TRIM49: variants seen among roughly 807,000 people sequenced by gnomAD.
TRIM49 encodes tripartite motif-containing protein 49.
Under a neutral mutation model 27.4 loss-of-function variants are expected in TRIM49, and 5 were observed. The observed-to-expected ratio is 0.18, with a 90% CI of 0.10 to 0.38. The LOEUF (loss-of-function observed/expected upper bound fraction) is 0.38. Ranked by LOEUF, TRIM49 falls within the 10% of genes least tolerant of loss-of-function variation. The pLI is 1.00. For synonymous variants in TRIM49, 69 were observed against 166.0 expected (o/e 0.42, Z 4.49); for missense variants, 188 against 487.5 (o/e 0.39, Z 5.79).
chr11:89,770,860 T>A, the TRIM49 span, among the ~76,000 whole-genome samples: 4 of 139,888 alleles, frequency 2.9e-5, 1 homozygote, highest in African/African-American at 5.8e-5. Flanking sequence ...AGCGAGACTC[T>A]GTCTCAAAAA....
intron 4 of TRIM49, among the ~76,000 whole-genome samples, chr11:89,802,368 T>C (rs1949745467): frequency 6.6e-6 from 1 of 150,494 alleles, no homozygotes; most frequent in South Asian, 2.1e-4. Flanking sequence ...TGCATTTCGC[T>C]CAGCAAAACC....
At chr11:89,804,962 C>T (rs1671481797) in intron 2 of TRIM49, among the ~76,000 whole-genome samples, 1 of 151,104 alleles carries the variant, frequency 6.6e-6, no homozygotes, top group South Asian at 2.1e-4. Context: ...AGCAAACCAC[C>T]ATGGCACAAG....
chr11:89,790,806 G>C, the TRIM49 span, among the ~76,000 whole-genome samples: 1 of 151,642 alleles, frequency 6.6e-6, no homozygotes, highest in South Asian at 2.1e-4. Flanking sequence ...GGAAAAAACA[G>C]AGCAGAAAAA....
chr11:89,805,741 A>T (rs1189182439), intron 2 of TRIM49, among the ~76,000 whole-genome samples: 3 of 147,526 alleles, frequency 2.0e-5, no homozygotes, highest in African/African-American at 7.7e-5. Context: ...TTTTTGAGAC[A>T]GAGTATCCTT....
chr11:89,800,069 T>A (rs549414531), intron 6 of TRIM49, among the ~76,000 whole-genome samples: 2 of 150,930 alleles, frequency 1.3e-5, no homozygotes, highest in African/African-American at 4.9e-5. Flanking sequence ...CTTAGCTTTA[T>A]GGCCTTGAGA....
chr11:89,785,183 C>T, the TRIM49 span, among the ~76,000 whole-genome samples: 4 of 144,960 alleles, frequency 2.8e-5, no homozygotes, highest in South Asian at 6.4e-4. Flanking sequence ...CATGCCACTG[C>T]ACTCTAGCCT....
downstream of TRIM49, among the ~76,000 whole-genome samples, chr11:89,792,781 A>G (rs1364116646): frequency 1.4e-3 from 216 of 152,118 alleles, no homozygotes; most frequent in Non-Finnish European, 1.9e-3. Flanking sequence ...AAATGCCCAC[A>G]AGAGAAAGCA....
intron 2 of TRIM49, among the ~76,000 whole-genome samples, chr11:89,806,399 TAGCATAAAGC>T (rs1949789696): frequency 6.8e-6 from 1 of 147,494 alleles, no homozygotes; most frequent in Non-Finnish European, 1.5e-5. Context: ...TTAAATCCTT[TAGCATAAAGC>T]AGCATAAAGC....
chr11:89,805,598 C>T (rs1163640041), intron 2 of TRIM49, among the ~76,000 whole-genome samples: 2 of 151,362 alleles, frequency 1.3e-5, no homozygotes, highest in Admixed American at 1.3e-4. Flanking sequence ...TATATTGGAA[C>T]TCTCTAGACT....
the TRIM49 span, among the ~76,000 whole-genome samples, chr11:89,791,587 T>C: frequency 2.7e-5 from 4 of 150,572 alleles, no homozygotes; most frequent in Non-Finnish European, 4.4e-5. Flanking sequence ...GGGGCCAATA[T>C]TCAACATTCT....
chr11:89,787,891 G>T, the TRIM49 span: 19,830 of 404,922 alleles, frequency 0.049, 99 homozygotes, highest in East Asian at 0.11. Flanking sequence ...AGGCCGCGGG[G>T]CTGGGCACCG....
intron 6 of TRIM49, among the ~76,000 whole-genome samples, chr11:89,800,221 T>C (rs1949723678): frequency 6.6e-6 from 1 of 151,478 alleles, no homozygotes; most frequent in Non-Finnish European, 1.5e-5. Flanking sequence ...CTCTCCCCTT[T>C]TAGCAAAGAA....
intron 2 of TRIM49, among the ~76,000 whole-genome samples, chr11:89,804,736 C>T (rs1949774788): frequency 6.6e-6 from 1 of 151,338 alleles, no homozygotes; most frequent in African/African-American, 2.5e-5. Context: ...ATTCAACTAC[C>T]CATTTTCTGA....
chr11:89,773,609 C>G, the TRIM49 span, among the ~76,000 whole-genome samples: 1 of 135,442 alleles, frequency 7.4e-6, no homozygotes, highest in South Asian at 2.3e-4. Context: ...ACATAAGCAA[C>G]TATAATTTTA....
downstream of TRIM49, among the ~76,000 whole-genome samples, chr11:89,793,622 AAG>A (rs1482531070): frequency 2.6e-4 from 39 of 152,136 alleles, no homozygotes. Flanking sequence ...AACAGAACCA[AAG>A]ACAAAAACCA....
chr11:89,793,292 T>A (rs2134625156), downstream of TRIM49, among the ~76,000 whole-genome samples: 1 of 152,212 alleles, frequency 6.6e-6, no homozygotes, highest in East Asian at 1.9e-4. Flanking sequence ...ACAGCTGACT[T>A]CTACTAGAGG....
chr11:89,776,789 C>T, the TRIM49 span, among the ~76,000 whole-genome samples: 10 of 151,122 alleles, frequency 6.6e-5, no homozygotes, highest in Non-Finnish European at 1.2e-4. Context: ...GGCTATTGAG[C>T]GAAAACTTTA....
downstream of TRIM49, among the ~76,000 whole-genome samples, chr11:89,793,862 A>C (rs1366812882): frequency 6.6e-6 from 1 of 151,980 alleles, no homozygotes; most frequent in Non-Finnish European, 1.5e-5. Context: ...TCTACTATCC[A>C]ACACAGTTTT....
chr11:89,767,598 A>C, the TRIM49 span, among the ~76,000 whole-genome samples: 1 of 123,462 alleles, frequency 8.1e-6, no homozygotes, highest in African/African-American at 4.6e-5. Flanking sequence ...TTCATGCCAG[A>C]TTCAGGCACA....
Sources: gnomAD v4.1 joint callset for allele counts (sites outside exome capture counted in the v4.1 genomes callset) on GRCh38, gnomAD v4.1.1 for gene constraint, MANE v1.5 for transcripts, NCBI Gene and HGNC (gene_info 2026-07-23, HGNC 2026-07-21) for gene names.